Variants in ARLN observed in about 807,000 individuals in gnomAD.
ARLN encodes allregulin.
At chr4:119,300,563 T>G in the ARLN span, 1 of 1,613,998 alleles carries the variant, frequency 6.2e-7, no homozygotes, top group African/African-American at 1.3e-5. Context: ...GTAACAACCC[T>G]AGAAACCGAA....
At chr4:119,298,912 C>A in the ARLN span, 2 of 558,890 alleles carry the variant, frequency 3.6e-6, no homozygotes, top group African/African-American at 4.2e-5. Flanking sequence ...CTATCCAGAG[C>A]TGAAAGTTCA....
chr4:119,300,590 G>C, the ARLN span: 1 of 1,613,180 alleles, frequency 6.2e-7, no homozygotes, highest in Non-Finnish European at 8.5e-7. Context: ...TAAGTTCCCG[G>C]ACTTTGGTGT....
chr4:119,303,231 CTTTT>C, the ARLN span, among the ~76,000 whole-genome samples: 11,963 of 111,314 alleles, frequency 0.11, 543 homozygotes, highest in Non-Finnish European at 0.15. Context: ...CTCTTCAATT[CTTTT>C]TTTTTTTTTT....
the ARLN span, among the ~76,000 whole-genome samples, chr4:119,302,105 G>A: frequency 1.3e-5 from 2 of 152,172 alleles, no homozygotes; most frequent in South Asian, 4.1e-4. Flanking sequence ...CATTCTTCTC[G>A]CTGACAAGGT....
At chr4:119,302,810 C>T in the ARLN span, among the ~76,000 whole-genome samples, 1 of 152,246 alleles carries the variant, frequency 6.6e-6, no homozygotes, top group East Asian at 1.9e-4. Flanking sequence ...ACCATCAGGC[C>T]AAAGACAGCT....
the ARLN span, chr4:119,300,561 C>T: frequency 2.5e-6 from 4 of 1,614,154 alleles, no homozygotes; most frequent in South Asian, 4.4e-5. Flanking sequence ...TCGTAACAAC[C>T]CTAGAAACCG....
chr4:119,300,185 C>T, the ARLN span: 1 of 673,686 alleles, frequency 1.5e-6, no homozygotes, highest in Admixed American at 2.5e-5. Context: ...ACTCCTAGTC[C>T]TTCTCCCCCA....
chr4:119,301,852 G>A, the ARLN span, among the ~76,000 whole-genome samples: 1 of 152,094 alleles, frequency 6.6e-6, no homozygotes, highest in Admixed American at 6.5e-5. Context: ...TCCTAACCTT[G>A]CTCCAATTTG....
At chr4:119,299,543 C>T in the ARLN span, among the ~76,000 whole-genome samples, 14 of 152,278 alleles carry the variant, frequency 9.2e-5, no homozygotes, top group Admixed American at 3.3e-4. Context: ...CTCTTAACAC[C>T]ATCTCCATTT....
At chr4:119,302,507 C>T in the ARLN span, among the ~76,000 whole-genome samples, 1 of 152,190 alleles carries the variant, frequency 6.6e-6, no homozygotes, top group African/African-American at 2.4e-5. Flanking sequence ...TCCCAAAGTA[C>T]TGGGATTACA....
At chr4:119,301,241 TA>T in the ARLN span, among the ~76,000 whole-genome samples, 8,591 of 100,356 alleles carry the variant, frequency 0.086, 444 homozygotes, top group African/African-American at 0.18. Context: ...CCGTCTCTAC[TA>T]AAAAAAAAAA....
the ARLN span, chr4:119,300,698 G>A: frequency 3.9e-6 from 6 of 1,531,494 alleles, no homozygotes; most frequent in Non-Finnish European, 5.3e-6. Context: ...CCAGCGCGCA[G>A]GCGCCTGGCT....
chr4:119,300,702 C>T, the ARLN span: 11 of 1,529,286 alleles, frequency 7.2e-6, no homozygotes, highest in Non-Finnish European at 9.6e-6. Context: ...CGCGCAGGCG[C>T]CTGGCTCGGC....
chr4:119,304,194 C>A, the ARLN span: 1 of 1,363,984 alleles, frequency 7.3e-7, no homozygotes, highest in Non-Finnish European at 9.9e-7. Context: ...CATAAAATTT[C>A]CTTCACTACA....
chr4:119,300,882 G>C, the ARLN span: 8 of 1,277,360 alleles, frequency 6.3e-6, no homozygotes, highest in South Asian at 9.5e-5. Flanking sequence ...CCAGTCAGGT[G>C]ATGGACTCCT....
At chr4:119,303,478 G>A in the ARLN span, among the ~76,000 whole-genome samples, 2 of 152,048 alleles carry the variant, frequency 1.3e-5, no homozygotes, top group African/African-American at 2.4e-5. Flanking sequence ...CAGGTGATCC[G>A]CCCGCCTCGG....
chr4:119,300,270 C>A, the ARLN span: 70 of 1,328,816 alleles, frequency 5.3e-5, no homozygotes, highest in Non-Finnish European at 7.3e-5. Flanking sequence ...GTCCCCTCCC[C>A]GCCCAAAAGC....
At chr4:119,297,958 C>G in the ARLN span, 5 of 152,496 alleles carry the variant, frequency 3.3e-5, no homozygotes, top group Admixed American at 2.6e-4. Context: ...TAAAATAATG[C>G]CTGGCTCAAA....
the ARLN span, among the ~76,000 whole-genome samples, chr4:119,302,438 T>C: frequency 6.6e-6 from 1 of 152,238 alleles, no homozygotes; most frequent in Non-Finnish European, 1.5e-5. Context: ...GAAATGAGTT[T>C]AGAGTGTGTT....
Sources: allele counts gnomAD v4.1 joint callset (sites outside exome capture counted in the v4.1 genomes callset), GRCh38; gene constraint gnomAD v4.1.1; transcripts MANE v1.5; gene names NCBI Gene and HGNC (gene_info 2026-07-23, HGNC 2026-07-21).